PDE1C: variants seen among roughly 807,000 people sequenced by gnomAD.
PDE1C encodes dual specificity calcium/calmodulin-dependent 3',5'-cyclic nucleotide phosphodiesterase 1C.
A neutral mutation model predicts 93.1 loss-of-function variants in PDE1C; 62 were observed. That is an observed-to-expected ratio of 0.67 (90% CI 0.54 to 0.82). The LOEUF is 0.82. Ranked by LOEUF, PDE1C falls within the 40% of genes least tolerant of loss-of-function variation. The pLI is 0.00. For missense variants in PDE1C, 742 were observed against 884.6 expected (o/e 0.84, Z 2.04); for synonymous variants, 325 against 310.1 (o/e 1.05, Z -0.50).
intron 1 of PDE1C, among the ~76,000 whole-genome samples, chr7:32,411,827 CA>C (rs534073334): frequency 0.022 from 3,225 of 144,516 alleles, 114 homozygotes; most frequent in African/African-American, 0.084. Flanking sequence ...TACAGCTGTG[CA>C]AAAAAAAATT....
At chr7:32,107,789 A>G (rs1480625014) in intron 3 of PDE1C, among the ~76,000 whole-genome samples, 8 of 152,174 alleles carry the variant, frequency 5.3e-5, no homozygotes, top group Non-Finnish European at 8.8e-5. Flanking sequence ...AAGTTTGTTA[A>G]AAGTAATAAT....
chr7:32,108,605 G>T (rs948192087), intron 3 of PDE1C, among the ~76,000 whole-genome samples: 2 of 152,050 alleles, frequency 1.3e-5, no homozygotes, highest in African/African-American at 4.8e-5. Context: ...CATTTATTGG[G>T]CACTCATTTC....
At chr7:31,884,366 C>T (rs1259630643) in intron 2 of PDE1C, among the ~76,000 whole-genome samples, 2 of 151,512 alleles carry the variant, frequency 1.3e-5, no homozygotes, top group African/African-American at 4.9e-5. Flanking sequence ...CAAAAAAAAC[C>T]CATAGATCTC....
At position 31,809,106 on chromosome 7, in the gene PDE1C, C is replaced by A; in HGVS notation, c.1816G>T (p.Asp606Tyr). Residue 606 changes from aspartate (D) to tyrosine (Y), a missense_variant and splice_region_variant, in exon 16 of 18, where the codon GAC becomes TAC. Asp to Tyr is a radical substitution (Grantham distance 160). Around this residue, in one of 4 missense-constraint regions of PDE1C, gnomAD observed 454 missense variants for 459.4 expected, o/e 0.99. Coordinates refer to ENST00000396191, the MANE Select transcript of PDE1C (RefSeq NM_001191057.4). ...KSSGEQQQNG[D>Y]FKDGKNKTDK... is the part of the protein sequence containing the mutation. The stretch of plus-strand genomic sequence containing the variant: ...GTCTTATTTTTACCATCTTTGAAGT[C>A]ACCTGAAAGTAATAAACATGACAAA... 1 of 1,552,128 alleles carries A rather than the reference C, an allele frequency of 6.4e-7. No individual in the cohort carries two copies. Among genetic ancestry groups the A allele is most frequent in the South Asian group, 1.1e-5 (1 of 89,612 alleles).
chr7:31,953,857 C>G (rs558398395), intron 2 of PDE1C, among the ~76,000 whole-genome samples: 1 of 151,916 alleles, frequency 6.6e-6, no homozygotes, highest in African/African-American at 2.4e-5. Flanking sequence ...GAAAAAAAAA[C>G]CAGTATGAGT....
At chr7:31,618,164 A>G in the PDE1C span, among the ~76,000 whole-genome samples, 3 of 152,212 alleles carry the variant, frequency 2.0e-5, no homozygotes. Context: ...CACCCAGATC[A>G]AAGGTGTGAC....
At chr7:31,811,273 G>C (rs1000193667) in intron 15 of PDE1C, among the ~76,000 whole-genome samples, 1 of 152,080 alleles carries the variant, frequency 6.6e-6, no homozygotes, top group East Asian at 1.9e-4. Flanking sequence ...TGATTGTGAA[G>C]CCTCCCCAGC....
intron 1 of PDE1C, among the ~76,000 whole-genome samples, chr7:32,418,696 G>T (rs910409132): frequency 1.3e-5 from 2 of 152,092 alleles, no homozygotes; most frequent in African/African-American, 4.8e-5. Flanking sequence ...CCAGAAGAAG[G>T]TACTGAGTTA....
At chr7:31,783,693 A>G (rs1243848122) in intron 16 of PDE1C, 1 of 151,988 alleles carries the variant, frequency 6.6e-6, no homozygotes, top group Non-Finnish European at 1.5e-5. Context: ...AGCTCAGTAT[A>G]CTCTGTTTTA....
At chr7:32,040,559 A>C (rs1676238879) in intron 2 of PDE1C, among the ~76,000 whole-genome samples, 1 of 152,198 alleles carries the variant, frequency 6.6e-6, no homozygotes, top group African/African-American at 2.4e-5. Flanking sequence ...TAACTTACTA[A>C]AGGTCATATG....
chr7:32,397,561 C>T (rs1043404877), intron 1 of PDE1C, among the ~76,000 whole-genome samples: 19 of 152,126 alleles, frequency 1.2e-4, no homozygotes, highest in African/African-American at 4.3e-4. Context: ...CATTTCTAGA[C>T]CTTTAACTTG....
chr7:32,076,761 T>TG (rs1311432328), intron 3 of PDE1C, among the ~76,000 whole-genome samples: 1 of 151,994 alleles, frequency 6.6e-6, no homozygotes, highest in Admixed American at 6.6e-5. Flanking sequence ...TTGAGCCCCC[T>TG]GATCCTGCTA....
intron 6 of PDE1C, 114 bp from the exon 7 acceptor site, chr7:31,865,196 T>G (rs1212486301): frequency 1.1e-6 from 1 of 935,236 alleles, no homozygotes; most frequent in Admixed American, 2.4e-5. Context: ...CATGAGGAAA[T>G]TGGAACTTAC....
the PDE1C span, among the ~76,000 whole-genome samples, chr7:31,617,853 T>TTAAGAAGAGAGTTACTTTTATTTAC: frequency 6.6e-6 from 1 of 152,174 alleles, no homozygotes; most frequent in Admixed American, 6.5e-5. Flanking sequence ...ATTTGACCTA[T>TTAAGAAGAGAGTTACTTTTATTTAC]TAAGAAGAGA....
intron 2 of PDE1C, among the ~76,000 whole-genome samples, chr7:31,930,515 A>G (rs2128978638): frequency 6.6e-6 from 1 of 152,228 alleles, no homozygotes; most frequent in African/African-American, 2.4e-5. Flanking sequence ...CCTCAATAAA[A>G]TACTGGCAAA....
At chr7:32,381,910 C>G (rs1020671747) in intron 1 of PDE1C, among the ~76,000 whole-genome samples, 1 of 152,140 alleles carries the variant, frequency 6.6e-6, no homozygotes, top group Non-Finnish European at 1.5e-5. Flanking sequence ...AAAACAGTGC[C>G]TGAAACATAG....
chr7:31,935,680 C>T (rs1392197268), intron 2 of PDE1C, among the ~76,000 whole-genome samples: 1 of 152,076 alleles, frequency 6.6e-6, no homozygotes, highest in African/African-American at 2.4e-5. Context: ...GTTTACAATC[C>T]GGTCAGCGTA....
At chr7:31,843,102 T>G (rs1229817627) in intron 9 of PDE1C, among the ~76,000 whole-genome samples, 1 of 151,960 alleles carries the variant, frequency 6.6e-6, no homozygotes, top group Non-Finnish European at 1.5e-5. Flanking sequence ...TCTTTAAGCT[T>G]ATGATATTTT....
chr7:32,377,833 A>G (rs1224122888), intron 1 of PDE1C, among the ~76,000 whole-genome samples: 1 of 152,158 alleles, frequency 6.6e-6, no homozygotes, highest in African/African-American at 2.4e-5. Context: ...GCCTCGCACC[A>G]AGCAAACCAA....
Sources: allele counts gnomAD v4.1 joint callset (sites outside exome capture counted in the v4.1 genomes callset), GRCh38; gene constraint gnomAD v4.1.1; regional missense constraint gnomAD v4.1.1; transcripts MANE v1.5; gene names NCBI Gene and HGNC (gene_info 2026-07-23, HGNC 2026-07-21).